Variants in POLDIP2 observed in about 807,000 individuals in gnomAD.
POLDIP2 encodes the protein polymerase delta-interacting protein 2.
Under a neutral mutation model 52.9 loss-of-function variants are expected in POLDIP2, and 32 were observed. The observed-to-expected ratio is 0.61, with a 90% CI of 0.46 to 0.81. The LOEUF (loss-of-function observed/expected upper bound fraction) is 0.81. Among genes scored for constraint, POLDIP2 ranks in the 40% least tolerant of loss-of-function variants. The pLI is 0.00. For synonymous variants in POLDIP2, 183 were observed against 183.0 expected (o/e 1.00, Z 0.00); for missense variants, 371 against 477.3 (o/e 0.78, Z 2.07).
intron 6 of POLDIP2, among the ~76,000 whole-genome samples, chr17:28,352,237 C>CTTTTTTTTTT (rs782311219): frequency 0.059 from 5,129 of 87,324 alleles, 760 homozygotes; most frequent in East Asian, 0.17. Flanking sequence ...GGAATTATTT[C>CTTTTTTTTTT]TTTTTTTTTT....
Position 28,354,476 on chromosome 17 carries a change from A to T in POLDIP2, c.341+12T>A. 6.5e-7 allele frequency: 1 copy of T among 1,540,334 alleles called. No individual in the cohort carries two copies. On this transcript the variant is annotated intron_variant, in intron 3 of 10. Transcript: ENST00000540200. Reference sequence around the variant, plus strand: ...TGAGGATACTGTGAGGCACAACCACAGGGAAACTTACTTTTCTGGAGCTGC... The same window carrying T: ...TGAGGATACTGTGAGGCACAACCACTGGGAAACTTACTTTTCTGGAGCTGC...
At chr17:28,357,155 T>G (rs9916226) in intron 1 of POLDIP2, 133 bp downstream of exon 1, 1 of 889,922 alleles carries the variant, frequency 1.1e-6, no homozygotes, top group Non-Finnish European at 1.6e-6. Context: ...GTCGGCTCCC[T>G]GCTCGGGACC....
At chr17:28,352,783 C>G in intron 6 of POLDIP2, 129 bp downstream of exon 6, 1 of 614,550 alleles carries the variant, frequency 1.6e-6, no homozygotes, top group Admixed American at 2.9e-5. Flanking sequence ...AGATGATCCA[C>G]CTGCCTGGGC....
chr17:28,353,874 T>C, intron 3 of POLDIP2, 83 bp from the exon 4 acceptor site: 1 of 882,170 alleles, frequency 1.1e-6, no homozygotes, highest in Non-Finnish European at 1.9e-6. Context: ...CCTCCTCACC[T>C]AAACAGGCTG....
rs939432899 is a variant in POLDIP2, at chr17:28,357,471, G to A, written c.-23C>T. 4.9e-6 allele frequency: 7 copies of A among 1,427,770 alleles called. No individual in the cohort carries two copies. In the African/African-American group the frequency reaches 7.5e-5, roughly 15 times the overall value. 88.4% of individuals were successfully genotyped at this position (1,427,770 alleles called of 1,614,324 possible). A position where few individuals can be genotyped will look rare whatever the true frequency, so the allele number is the denominator to read the frequency against. ...CATGTCCCGCCCGAGCGCCCGCCCG[G>A]CTGCTGACACAGAGCCCGACCCGCG... On this transcript the variant is annotated 5_prime_UTR_variant, in exon 1 of 11. Transcript: ENST00000540200.
intron 10 of POLDIP2, 76 bp downstream of exon 10, chr17:28,349,007 T>C (rs782178442): frequency 5.8e-5 from 59 of 1,015,156 alleles, no homozygotes; most frequent in Non-Finnish European, 8.7e-5. Flanking sequence ...TGGCAAGCTC[T>C]AAGCTCTCAC....
intron 8 of POLDIP2, 30 bp downstream of exon 8, chr17:28,350,736 G>C: frequency 6.3e-7 from 1 of 1,594,844 alleles, no homozygotes; most frequent in South Asian, 1.1e-5. Context: ...CACCCCACAA[G>C]CTCCCCTTCT....
intron 3 of POLDIP2, among the ~76,000 whole-genome samples, chr17:28,354,011 G>T (rs114122431): frequency 6.6e-6 from 1 of 152,126 alleles, no homozygotes; most frequent in East Asian, 1.9e-4. Context: ...TCATCTGACC[G>T]TGTGGATACC....
chr17:28,353,977 A>G (rs1352390182), intron 3 of POLDIP2, among the ~76,000 whole-genome samples, 186 bp from the exon 4 acceptor site: 3 of 152,188 alleles, frequency 2.0e-5, no homozygotes, highest in Non-Finnish European at 4.4e-5. Flanking sequence ...ATAATAGAGC[A>G]TGGAAGACCA....
chr17:28,353,208 T>C (rs1177844587), intron 5 of POLDIP2, 33 bp downstream of exon 5: 2 of 1,102,160 alleles, frequency 1.8e-6, no homozygotes, highest in Non-Finnish European at 2.8e-6. Flanking sequence ...AGACTCCTTC[T>C]TGACGGGCAC....
chr17:28,350,002 A>G (rs1364204748), intron 9 of POLDIP2, among the ~76,000 whole-genome samples: 6 of 152,176 alleles, frequency 3.9e-5, no homozygotes, highest in Admixed American at 1.3e-4. Flanking sequence ...GGCAGGGATT[A>G]TAAAATCAGA....
intron 4 of POLDIP2, among the ~76,000 whole-genome samples, 175 bp downstream of exon 4, chr17:28,353,520 C>CAA (rs71135829): frequency 0.022 from 1,183 of 54,790 alleles, 246 homozygotes; most frequent in Non-Finnish European, 0.027. Flanking sequence ...GACTCCATAT[C>CAA]AAAAAAAAAA....
At position 28,353,520 on chromosome 17, in the gene POLDIP2, C is replaced by CAAAAAAAAAAAA. The variant is rs71135829; in HGVS notation, c.438+163_438+174dup. Reference sequence around the variant, plus strand: ...CTGGCGACAGAGTGAGACTCCATATCAAAAAAAAAAAAAAAGACGTGAATC... The same window carrying CAAAAAAAAAAAA: ...CTGGCGACAGAGTGAGACTCCATATCAAAAAAAAAAAAAAAAAAAAAAAAAAAGACGTGAATC... On this transcript the variant is annotated intron_variant, in intron 4 of 10. Transcript: ENST00000540200. 5.7e-3 allele frequency among the ~76,000 whole-genome samples: 313 copies of CAAAAAAAAAAAA among 54,730 alleles called. 57 individuals carry two copies. Among genetic ancestry groups the CAAAAAAAAAAAA allele is most frequent in the African/African-American group, 0.024 (242 of 9,926 alleles). The allele number at this position is 54,730 out of a possible 152,430, so 35.9% of individuals were successfully genotyped here.
intron 7 of POLDIP2, 132 bp downstream of exon 7, chr17:28,351,532 A>G (rs941618512): frequency 7.1e-6 from 6 of 850,924 alleles, no homozygotes; most frequent in Non-Finnish European, 9.2e-6. Flanking sequence ...CACCCAACAC[A>G]TGCCACCACT....
At chr17:28,355,773 G>C (rs1908000578) in intron 2 of POLDIP2, 22 bp downstream of exon 2, 1 of 1,587,276 alleles carries the variant, frequency 6.3e-7, no homozygotes. Context: ...GAAAATGAAA[G>C]ATGACCCAGC....
intron 1 of POLDIP2, among the ~76,000 whole-genome samples, 171 bp downstream of exon 1, chr17:28,357,117 C>T (rs1908076926): frequency 6.6e-6 from 1 of 152,256 alleles, no homozygotes; most frequent in South Asian, 2.1e-4. Context: ...GGCTTCCCTG[C>T]TCCTGGCACA....
Position 28,357,511 on chromosome 17 carries a change from C to G in POLDIP2, c.-63G>C. 1 of 1,438,584 alleles carries G rather than the reference C, an allele frequency of 7.0e-7. No homozygotes were observed. Among genetic ancestry groups the G allele is most frequent in the Non-Finnish European group, 9.0e-7 (1 of 1,106,056 alleles). The allele number at this position is 1,438,584 out of a possible 1,614,324, so 89.1% of individuals were successfully genotyped here. A position where few individuals can be genotyped will look rare whatever the true frequency, so the allele number is the denominator to read the frequency against. ...CCCGACCCGCGGCCGGGCGGCGTTC[C>G]GCCCCAGTCCCACACTGCCCCGCGC... On this transcript the variant is annotated 5_prime_UTR_variant, in exon 1 of 11. Coordinates refer to ENST00000540200, the MANE Select transcript of POLDIP2 (RefSeq NM_015584.5).
chr17:28,352,560 T>G (rs1907847876), intron 6 of POLDIP2, among the ~76,000 whole-genome samples: 1 of 133,650 alleles, frequency 7.5e-6, no homozygotes, highest in South Asian at 2.4e-4. Flanking sequence ...TTTCCTGAGA[T>G]GGAGTCTCGC....
In POLDIP2 at chr17:28,347,957, G is replaced by A. The variant is rs1456080967; in HGVS notation, c.*160C>T. ...TGGAGGTGTCCCACATGGGTCTTCTGAAGAAAAGTTATACCACCCCTCCCC... is the reference window on the plus strand; with the variant it reads ...TGGAGGTGTCCCACATGGGTCTTCTAAAGAAAAGTTATACCACCCCTCCCC... On this transcript the variant is annotated 3_prime_UTR_variant, in exon 11 of 11. Coordinates refer to ENST00000540200, the MANE Select transcript of POLDIP2 (RefSeq NM_015584.5). 1 of 606,258 alleles carries A rather than the reference G, an allele frequency of 1.6e-6. No individual in the cohort carries two copies. Among genetic ancestry groups the A allele is most frequent in the African/African-American group, 1.9e-5 (1 of 53,870 alleles). The allele number at this position is 606,258 out of a possible 1,614,324, so 37.6% of individuals were successfully genotyped here.
Sources: allele counts gnomAD v4.1 joint callset (sites outside exome capture counted in the v4.1 genomes callset), GRCh38; gene constraint gnomAD v4.1.1; transcripts MANE v1.5; gene names NCBI Gene and HGNC (gene_info 2026-07-23, HGNC 2026-07-21).